The following TAB2 variants were observed in gnomAD, a reference collection of about 807,000 sequenced individuals.
The protein encoded by TAB2 is TGF-beta-activated kinase 1 and MAP3K7-binding protein 2.
A neutral mutation model predicts 65.0 loss-of-function variants in TAB2; 3 were observed. The ratio of observed to expected loss-of-function variants is 0.05; its 90% CI spans 0.02 to 0.12. The LOEUF is 0.12. Among genes scored for constraint, TAB2 ranks in the 10% least tolerant of loss-of-function variants. The pLI, the probability that TAB2 is intolerant of heterozygous loss-of-function variation, is 1.00. For synonymous variants in TAB2, 298 were observed against 285.1 expected, an observed-to-expected ratio of 1.05 and a Z score of -0.46; for missense variants, 623 against 840.3, an observed-to-expected ratio of 0.74 and a Z score of 3.20.
intron 3 of TAB2, among the ~76,000 whole-genome samples, chr6:149,384,552 A>G (rs1237865191): frequency 1.3e-5 from 2 of 152,242 alleles, no homozygotes; most frequent in Non-Finnish European, 2.9e-5. Context: ...TTTTCAGTTT[A>G]AAGTTTATAG....
intron 1 of TAB2, among the ~76,000 whole-genome samples, chr6:149,325,518 A>G (rs1209643815): frequency 1.3e-4 from 20 of 152,244 alleles, no homozygotes; most frequent in Admixed American, 1.3e-3. Context: ...CAAAATAAAC[A>G]TACGGATTGT....
At chr6:149,234,862 G>C (rs1329687261) in intron 1 of TAB2, among the ~76,000 whole-genome samples, 2 of 97,784 alleles carry the variant, frequency 2.0e-5, no homozygotes, top group South Asian at 3.3e-4. Context: ...ATTAGAGAGT[G>C]TGAAAAAAAA....
At position 149,293,991 on chromosome 6, in the gene TAB2, AT is replaced by A. The variant is rs146678952; in HGVS notation, c.-121+75220del. ...TTCCCTGAAAAAAAATTAATAGAAGATTTTTAAAGTTATAAGTGAAGAGCTA... is the reference window on the plus strand; with the variant it reads ...TTCCCTGAAAAAAAATTAATAGAAGATTTTAAAGTTATAAGTGAAGAGCTA... On this transcript the variant is annotated intron_variant, in intron 1 of 1. Transcript: ENST00000606202. Among the ~76,000 whole-genome samples the A allele has an allele frequency of 5.9e-3, 903 of 152,290 alleles. 12 individuals carry two copies. The highest frequency in any genetic ancestry group is 0.021 in the African/African-American group (868 of 41,554).
At chr6:149,312,505 GGT>G (rs1194758850) in intron 1 of TAB2, among the ~76,000 whole-genome samples, 14 of 152,198 alleles carry the variant, frequency 9.2e-5, no homozygotes, top group Admixed American at 2.0e-4. Context: ...TGGGATTACA[GGT>G]GTGTGCCACC....
chr6:149,369,439 T>G lies in TAB2; in HGVS notation c.-89-470T>G, dbSNP rs1583131138. Among the ~76,000 whole-genome samples the G allele has an allele frequency of 2.0e-5, 3 of 152,226 alleles. No homozygotes were observed. In the South Asian group the frequency reaches 6.2e-4, roughly 31 times the overall value. The stretch of plus-strand genomic sequence containing the variant: ...TGATTGTGCATTTAAGGATTAAGTA[T>G]ATTTGAAAGATAAAGCAAAATATTG... On this transcript the variant is annotated intron_variant, in intron 1 of 6. Coordinates refer to ENST00000637181, the MANE Select transcript of TAB2 (RefSeq NM_001292034.3).
intron 1 of TAB2, among the ~76,000 whole-genome samples, chr6:149,287,482 G>GTT (rs35420416): frequency 0.051 from 7,547 of 148,960 alleles, 218 homozygotes; most frequent in Middle Eastern, 0.092. Context: ...TTTGTTTTCT[G>GTT]TTTTTTTTTT....
At position 149,226,462 on chromosome 6, in the gene TAB2, G is replaced by A. The variant is rs150100267; in HGVS notation, c.-121+7686G>A. On this transcript the variant is annotated intron_variant, in intron 1 of 1. Transcript: ENST00000606202. ...TATTCCGTGGTCAGTCCCCACCTCC[G>A]CAGATACTGCTGTGTGATGCTCACA... 2.2e-3 allele frequency among the ~76,000 whole-genome samples: 330 copies of A among 152,250 alleles called. 1 individual carries two copies. Among genetic ancestry groups the A allele is most frequent in the Non-Finnish European group, 3.7e-3 (251 of 68,012 alleles).
chr6:149,318,282 A>C (rs947036838), intron 1 of TAB2, among the ~76,000 whole-genome samples: 1 of 109,228 alleles, frequency 9.2e-6, no homozygotes, highest in Non-Finnish European at 2.1e-5. Flanking sequence ...GCGGGGGGGG[A>C]GGGGGAGCTT....
chr6:149,267,032 G>T (rs1778276874), intron 1 of TAB2, among the ~76,000 whole-genome samples: 2 of 152,190 alleles, frequency 1.3e-5, no homozygotes, highest in Admixed American at 1.3e-4. Context: ...GGGAGATGAG[G>T]CTTCCTGCAA....
In TAB2 at chr6:149,226,206, CTGGATTTGGAG is replaced by C. The variant is rs1263984445; in HGVS notation, c.-121+7431_-121+7441del. On this transcript the variant is annotated intron_variant, in intron 1 of 1. Transcript: ENST00000606202. ...CTGTTGTTTGGTATAGCTCGGGCAC[CTGGATTTGGAG>C]GAAGGCCTGCCCATTATAGGACACA... is the stretch of plus-strand genomic sequence containing the variant. Among the ~76,000 whole-genome samples, 4 of 152,154 alleles carry C rather than the reference CTGGATTTGGAG, an allele frequency of 2.6e-5. 1 individual carries two copies.
At chr6:149,336,247 C>G (rs1200419163) in intron 1 of TAB2, among the ~76,000 whole-genome samples, 1 of 152,092 alleles carries the variant, frequency 6.6e-6, no homozygotes, top group Non-Finnish European at 1.5e-5. Flanking sequence ...TTCATTGCTG[C>G]CTAGTAAATA....
Position 149,269,700 on chromosome 6 carries a change from A to G in TAB2, c.-121+50924A>G, listed in dbSNP as rs1373141912. Among the ~76,000 whole-genome samples, 3 of 152,232 alleles carry G rather than the reference A, an allele frequency of 2.0e-5. No individual in the cohort carries two copies. The East Asian group carries it at 5.8e-4, about 29-fold the overall frequency. ...ATCATTCGTTTCATAAGGTGAAATCATACAGGATAAGGTCTTTGCCTTCTT... is the reference window on the plus strand; with the variant it reads ...ATCATTCGTTTCATAAGGTGAAATCGTACAGGATAAGGTCTTTGCCTTCTT... On this transcript the variant is annotated intron_variant, in intron 1 of 1. Coordinates refer to the TAB2 transcript ENST00000606202.
At chr6:149,332,449 A>G (rs527634518) in intron 1 of TAB2, among the ~76,000 whole-genome samples, 2 of 152,326 alleles carry the variant, frequency 1.3e-5, no homozygotes, top group Admixed American at 1.3e-4. Context: ...TCTGCTGTGT[A>G]TGTGACATGA....
intron 1 of TAB2, among the ~76,000 whole-genome samples, chr6:149,353,288 C>G (rs759871829): frequency 6.6e-6 from 1 of 152,158 alleles, no homozygotes; most frequent in Non-Finnish European, 1.5e-5. Flanking sequence ...CCACCTTACT[C>G]CTTCCCCTTA....
chr6:149,262,551 C>T (rs937588764), intron 1 of TAB2, among the ~76,000 whole-genome samples: 7 of 151,482 alleles, frequency 4.6e-5, no homozygotes, highest in Non-Finnish European at 1.0e-4. Context: ...AAAAAAATCT[C>T]ATATGCTAGA....
At chr6:149,314,865 C>CTTTTTTTTTTT, upstream of TAB2, among the ~76,000 whole-genome samples, 1 of 143,318 alleles carries the variant, frequency 7.0e-6, no homozygotes, top group Non-Finnish European at 1.5e-5. Context: ...GGAACTATAT[C>CTTTTTTTTTTT]TTTTTTTTTT....
intron 1 of TAB2, among the ~76,000 whole-genome samples, chr6:149,219,035 T>C (rs1410654323): frequency 6.6e-6 from 1 of 152,240 alleles, no homozygotes; most frequent in African/African-American, 2.4e-5. Context: ...GGATGGCATA[T>C]ATTTTCTTTA....
chr6:149,330,969 C>G (rs750939242), intron 1 of TAB2, among the ~76,000 whole-genome samples: 1 of 152,116 alleles, frequency 6.6e-6, no homozygotes, highest in Non-Finnish European at 1.5e-5. Context: ...CTGTTCTGTT[C>G]CATTGATCTT....
At chr6:149,382,507 A>C (rs1262860358) in intron 3 of TAB2, among the ~76,000 whole-genome samples, 3 of 152,098 alleles carry the variant, frequency 2.0e-5, no homozygotes, top group Non-Finnish European at 2.9e-5. Context: ...GAGGCAGGAG[A>C]ATCGCTTGAG....
Sources: gnomAD v4.1 joint callset for allele counts (sites outside exome capture counted in the v4.1 genomes callset) on GRCh38, gnomAD v4.1.1 for gene constraint, MANE v1.5 for transcripts, NCBI Gene and HGNC (gene_info 2026-07-23, HGNC 2026-07-21) for gene names.